FRK: variants seen among roughly 807,000 people sequenced by gnomAD.
The protein encoded by FRK is fyn related Src family tyrosine kinase.
A neutral mutation model predicts 56.4 loss-of-function variants in FRK; 51 were observed. The observed-to-expected ratio is 0.90, with a 90% confidence interval of 0.72 to 1.14. The LOEUF (loss-of-function observed/expected upper bound fraction) is 1.14. Ranked by LOEUF, FRK falls within the 50% of genes most tolerant of loss-of-function variation. The pLI is 0.00. For synonymous variants in FRK, 245 were observed against 217.9 expected, an observed-to-expected ratio of 1.12 and a Z score of -1.10; for missense variants, 570 against 601.4, an observed-to-expected ratio of 0.95 and a Z score of 0.55.
chr6:115,948,033 A>T (rs1772537566), intron 5 of FRK, among the ~76,000 whole-genome samples: 1 of 152,172 alleles, frequency 6.6e-6, no homozygotes, highest in South Asian at 2.1e-4. Context: ...CTCATGTTTA[A>T]CAACAGAATA....
rs1776579805 is a variant in FRK at position 116,038,658 on chromosome 6, TA to T, written c.344+21309del. 1.5e-4 allele frequency: 49 copies of T among 324,406 alleles called. 3 individuals are homozygous for T. In the South Asian group the frequency reaches 1.6e-3, roughly 11 times the overall value. 20.1% of individuals were successfully genotyped at this position (324,406 alleles called of 1,614,324 possible). A position where few individuals can be genotyped will look rare whatever the true frequency, so the allele number is the denominator to read the frequency against. ...ACAACACAGGTTCTTACATTTTTTT[TA>T]ACATGATACCTTTTAGAATATCATA... On this transcript the variant is annotated intron_variant, in intron 1 of 7. Coordinates refer to ENST00000606080, the MANE Select transcript of FRK (RefSeq NM_002031.3).
intron 1 of FRK, among the ~76,000 whole-genome samples, chr6:116,041,944 G>C (rs1776732524): frequency 6.6e-6 from 1 of 152,178 alleles, no homozygotes; most frequent in South Asian, 2.1e-4. Context: ...GATCCCAGTG[G>C]TCTAGCTCAG....
At chr6:116,091,948 T>G in the FRK span, among the ~76,000 whole-genome samples, 1 of 152,164 alleles carries the variant, frequency 6.6e-6, no homozygotes, top group African/African-American at 2.4e-5. Flanking sequence ...CAAGCGAAAC[T>G]TGCCCATCTA....
intron 2 of FRK, among the ~76,000 whole-genome samples, chr6:115,988,766 T>A (rs2114656176): frequency 6.6e-6 from 1 of 152,142 alleles, no homozygotes; most frequent in Admixed American, 6.6e-5. Flanking sequence ...AATAACATAT[T>A]TTTGTCACTT....
rs143780998 is a variant in FRK, at chr6:115,957,630, C to T, written c.800-1020G>A. ...TAAGCTTTGACATTCTAAGGCAAAA[C>T]TATGACTTGTTTATTAATGTGAAGT... is the stretch of plus-strand genomic sequence containing the variant. On this transcript the variant is annotated intron_variant, in intron 4 of 7. Transcript: ENST00000606080. Among the ~76,000 whole-genome samples the T allele has an allele frequency of 3.9e-5, 6 of 152,322 alleles. No individual in the cohort carries two copies. In the East Asian group the frequency reaches 1.2e-3, roughly 29 times the overall value.
chr6:115,980,490 T>C (rs879335857), intron 2 of FRK, among the ~76,000 whole-genome samples: 14 of 152,148 alleles, frequency 9.2e-5, no homozygotes, highest in Non-Finnish European at 1.8e-4. Context: ...GTGGAAACCA[T>C]AATTGTATAT....
chr6:116,100,165 T>A, the FRK span, among the ~76,000 whole-genome samples: 3 of 152,200 alleles, frequency 2.0e-5, no homozygotes, highest in Non-Finnish European at 4.4e-5. Context: ...TCATAAAAAA[T>A]TCATTACAAT....
the FRK span, among the ~76,000 whole-genome samples, chr6:116,099,900 G>A: frequency 1.1e-4 from 16 of 152,206 alleles, no homozygotes; most frequent in Non-Finnish European, 2.1e-4. Context: ...TTAAAATGAG[G>A]TACTATGTAA....
the FRK span, among the ~76,000 whole-genome samples, chr6:116,086,875 T>G: frequency 1.3e-5 from 2 of 152,346 alleles, no homozygotes; most frequent in Non-Finnish European, 2.9e-5. Context: ...AGTCCCCATC[T>G]GAAATAACTT....
intron 4 of FRK, among the ~76,000 whole-genome samples, chr6:115,958,719 GAAAGAAAGA>G (rs1773168732): frequency 9.3e-5 from 1 of 10,802 alleles, no homozygotes; most frequent in Admixed American, 1.3e-3. Flanking sequence ...AAGAAAGAAA[GAAAGAAAGA>G]AAGAAAGAAA....
chr6:115,958,678 A>G (rs1348529352), intron 4 of FRK, among the ~76,000 whole-genome samples: 1 of 4,058 alleles, frequency 2.5e-4, no homozygotes, highest in African/African-American at 7.6e-4. Context: ...GAAAGAAAGA[A>G]AGAAAGAAAG....
At chr6:116,032,619 T>C (rs1250738162) in intron 1 of FRK, among the ~76,000 whole-genome samples, 1 of 152,202 alleles carries the variant, frequency 6.6e-6, no homozygotes, top group Non-Finnish European at 1.5e-5. Context: ...ACATTGTTAA[T>C]TAATGTTGGT....
chr6:115,960,478 G>A (rs1353425456), intron 4 of FRK, among the ~76,000 whole-genome samples: 2 of 150,408 alleles, frequency 1.3e-5, no homozygotes, highest in Admixed American at 6.6e-5. Flanking sequence ...AAGGGCGCCC[G>A]CCATTGCCCA....
chr6:115,949,968 T>C (rs778249937), intron 5 of FRK, among the ~76,000 whole-genome samples: 2 of 152,212 alleles, frequency 1.3e-5, no homozygotes, highest in Non-Finnish European at 2.9e-5. Flanking sequence ...TTGGGAAAAC[T>C]GGCTAGCCAT....
intron 1 of FRK, among the ~76,000 whole-genome samples, chr6:116,025,155 T>C (rs943480018): frequency 2.6e-5 from 4 of 152,244 alleles, no homozygotes; most frequent in African/African-American, 9.6e-5. Flanking sequence ...TTAGAATTAG[T>C]GAGGCCCCAG....
chr6:116,087,296 A>C, the FRK span, among the ~76,000 whole-genome samples: 1 of 152,258 alleles, frequency 6.6e-6, no homozygotes, highest in Non-Finnish European at 1.5e-5. Context: ...TAAGAAGCCA[A>C]GAGTTTACTA....
intron 4 of FRK, among the ~76,000 whole-genome samples, chr6:115,965,150 T>G (rs1054070985): frequency 7.2e-6 from 1 of 138,916 alleles, no homozygotes; most frequent in African/African-American, 2.7e-5. Context: ...AACCTACTCA[T>G]CTGACAAAGG....
intron 4 of FRK, among the ~76,000 whole-genome samples, chr6:115,960,203 C>T (rs1283336628): frequency 6.6e-6 from 1 of 150,762 alleles, no homozygotes; most frequent in Non-Finnish European, 1.5e-5. Context: ...GTGCGCGAGC[C>T]GAAGCAGGGC....
intron 1 of FRK, among the ~76,000 whole-genome samples, chr6:116,004,443 A>C (rs1775177970): frequency 6.6e-6 from 1 of 152,200 alleles, no homozygotes; most frequent in African/African-American, 2.4e-5. Context: ...CATGTACTTT[A>C]TGTTAAAGTA....
Sources: gnomAD v4.1 joint callset for allele counts (sites outside exome capture counted in the v4.1 genomes callset) on GRCh38, gnomAD v4.1.1 for gene constraint, MANE v1.5 for transcripts, NCBI Gene and HGNC (gene_info 2026-07-23, HGNC 2026-07-21) for gene names.